LAMA4: variants seen among roughly 807,000 people sequenced by gnomAD.
LAMA4 encodes laminin subunit alpha-4.
Under a neutral mutation model 207.1 loss-of-function variants are expected in LAMA4, and 127 were observed. That is an observed-to-expected ratio of 0.61 (90% CI 0.53 to 0.71). LAMA4 has a LOEUF of 0.71. Ranked by LOEUF, LAMA4 falls within the 30% of genes least tolerant of loss-of-function variation. The pLI, the probability that LAMA4 is intolerant of heterozygous loss-of-function variation, is 0.00. For synonymous variants in LAMA4, 761 were observed against 816.0 expected, an observed-to-expected ratio of 0.93 and a Z score of 1.15; for missense variants, 2,093 against 2,246.5, an observed-to-expected ratio of 0.93 and a Z score of 1.38.
chr6:112,200,197 C>T, intron 5 of LAMA4: 1 of 529,748 alleles, frequency 1.9e-6, no homozygotes, highest in South Asian at 1.4e-5. Flanking sequence ...GAGCAAAGCC[C>T]AGAGCAGTTT....
chr6:112,242,361 C>T (rs1216867011), intron 2 of LAMA4, among the ~76,000 whole-genome samples: 1 of 152,154 alleles, frequency 6.6e-6, no homozygotes, highest in Non-Finnish European at 1.5e-5. Context: ...TGTGAACCCC[C>T]TTACTAGACT....
Position 112,150,585 on chromosome 6 carries a change from C to A in LAMA4, c.2099G>T (p.Gly700Val). The A allele has an allele frequency of 6.2e-7, 1 of 1,614,050 alleles. No individual in the cohort carries two copies. The highest frequency in any genetic ancestry group is 8.5e-7 in the Non-Finnish European group (1 of 1,179,954). ...AVADTSRRVG[G>V]ALARKSALKT... ...AAGGGCACTTTTCCTTGCTAGGGCT[C>A]CACCCACACGCCTGCTAGTGTCAGC... is the stretch of plus-strand genomic sequence containing the variant. The change falls in exon 17 of 39, where the codon GGA becomes GTA. Residue 700 changes from glycine (G) to valine (V), a missense_variant. Around this residue, in one of 3 missense-constraint regions of LAMA4, gnomAD observed 1,704 missense variants for 1,788.4 expected, o/e 0.95. Transcript: ENST00000230538.
chr6:112,140,196 G>A (rs1383454596), intron 22 of LAMA4, among the ~76,000 whole-genome samples: 1 of 152,138 alleles, frequency 6.6e-6, no homozygotes, highest in East Asian at 1.9e-4. Flanking sequence ...CTCATATAAT[G>A]AGAGGGAAAA....
Position 112,185,328 on chromosome 6 carries a change from T to C in LAMA4, c.986A>G (p.Glu329Gly), listed in dbSNP as rs773651952. The C allele has an allele frequency of 1.2e-6, 2 of 1,610,700 alleles. No individual in the cohort carries two copies. Among genetic ancestry groups the C allele is most frequent in the Non-Finnish European group, 1.7e-6 (2 of 1,176,834 alleles). ...TATCTTTCTTAGGGCGTATTGGTTT[T>C]CTCTTTCTGACAATTTTGTCTGCAG... Reference protein sequence around the residue: ...YLLKTKLSERENQYALRKIQI... With the variant: ...YLLKTKLSERGNQYALRKIQI... The change falls in exon 9 of 39, where the codon GAA (glutamate) becomes GGA (glycine). Residue 329 changes from glutamate (E) to glycine (G), a missense_variant. Glu to Gly is a moderately conservative substitution (Grantham distance 98). Transcript: ENST00000230538.
At chr6:112,196,797 T>A (rs1460856418) in intron 5 of LAMA4, among the ~76,000 whole-genome samples, 1 of 152,178 alleles carries the variant, frequency 6.6e-6, no homozygotes, top group East Asian at 1.9e-4. Context: ...TAAAGGAACA[T>A]GAAAAGTGCT....
chr6:112,191,890 G>A (rs1404966556), intron 5 of LAMA4, 40 bp from the exon 6 acceptor site: 1 of 1,440,536 alleles, frequency 6.9e-7, no homozygotes, highest in Non-Finnish European at 9.7e-7. Context: ...TTAGCATCAT[G>A]GTTTTTCTTC....
At chr6:112,140,036 T>A in intron 22 of LAMA4, 151 bp from the exon 23 acceptor site, 1 of 769,710 alleles carries the variant, frequency 1.3e-6, no homozygotes, top group Non-Finnish European at 2.2e-6. Flanking sequence ...GCCAAATCAT[T>A]TAGATATGGC....
intron 26 of LAMA4, 67 bp downstream of exon 26, chr6:112,134,400 C>A: frequency 2.0e-6 from 3 of 1,516,792 alleles, no homozygotes; most frequent in Non-Finnish European, 2.7e-6. Context: ...TGTTACTAGA[C>A]CTCTCCTGGA....
chr6:112,194,559 A>G (rs1310616605), intron 5 of LAMA4, among the ~76,000 whole-genome samples: 1 of 152,224 alleles, frequency 6.6e-6, no homozygotes, highest in African/African-American at 2.4e-5. Flanking sequence ...AAGTTTACTT[A>G]TGATAGTCCC....
At chr6:112,210,371 C>G (rs916700568) in intron 3 of LAMA4, among the ~76,000 whole-genome samples, 2 of 152,046 alleles carry the variant, frequency 1.3e-5, no homozygotes, top group Admixed American at 6.6e-5. Flanking sequence ...AAACTGACTC[C>G]ACTTAAAAAT....
rs571124931 is a variant in LAMA4, at chr6:112,148,310, A to G, written c.2200T>C (p.Ser734Pro). Residue 734 changes from serine (S) to proline (P), a missense_variant, in exon 18 of 39, where the codon TCT becomes CCT. By Grantham distance (74) the Ser-to-Pro change is moderately conservative (BLOSUM62 -1). Coordinates refer to ENST00000230538, the MANE Select transcript of LAMA4 (RefSeq NM_001105206.3). ...RGDAQQRLGQ[S>P]RLITEEANRT... is the part of the protein sequence containing the mutation. ...TTGGCTTCCTCGGTGATCAGTCTAG[A>G]CTGCCCCAGGCGCTGCTGGGCATCC... 3 of 1,614,212 alleles carry G rather than the reference A, an allele frequency of 1.9e-6. No individual in the cohort carries two copies. In the African/African-American group the frequency reaches 4.0e-5, roughly 22 times the overall value.
At chr6:112,158,400 T>C (rs1419989532) in intron 14 of LAMA4, 2 of 347,142 alleles carry the variant, frequency 5.8e-6, no homozygotes, top group Non-Finnish European at 1.1e-5. Context: ...ACATTGTCTT[T>C]GGTCATCCTA....
At chr6:112,226,642 C>T (rs1188613251) in intron 2 of LAMA4, among the ~76,000 whole-genome samples, 1 of 152,308 alleles carries the variant, frequency 6.6e-6, no homozygotes, top group Middle Eastern at 3.4e-3. Flanking sequence ...TTTTTGTGTC[C>T]TCATCACCTA....
In LAMA4 at chr6:112,118,883, C is replaced by T. The variant is rs1309562087; in HGVS notation, c.4821+273G>A. ...TGGGTACTTCCTGAACAAATAAGAT[C>T]TCCTTGAGACATAAATTTTCATGAT... On this transcript the variant is annotated intron_variant, in intron 34 of 38. Transcript: ENST00000230538. The surrounding 1 kb of genome is among the most constrained non-coding windows in gnomAD (Gnocchi z 4.6). Among the ~76,000 whole-genome samples the T allele has an allele frequency of 2.0e-5, 3 of 151,970 alleles. No individual in the cohort carries two copies. Among genetic ancestry groups the T allele is most frequent in the Non-Finnish European group, 4.4e-5 (3 of 68,006 alleles).
chr6:112,237,484 A>G (rs142875665), intron 2 of LAMA4, among the ~76,000 whole-genome samples: 1 of 152,290 alleles, frequency 6.6e-6, no homozygotes, highest in African/African-American at 2.4e-5. Flanking sequence ...GTAAAATTTC[A>G]TGTGAAATTC....
At chr6:112,229,904 T>C (rs1408033938) in intron 2 of LAMA4, among the ~76,000 whole-genome samples, 1 of 152,242 alleles carries the variant, frequency 6.6e-6, no homozygotes, top group Non-Finnish European at 1.5e-5. Context: ...TTTTGATAGG[T>C]TTCTCAATAC....
Position 112,122,013 on chromosome 6 carries a change from C to T in LAMA4, c.4475+1G>A. On this transcript the variant is annotated splice_donor_variant, in intron 32 of 38. Transcript: ENST00000230538. LOFTEE classifies it high-confidence loss of function. Reference sequence around the variant, plus strand: ...TCTAGGAGTATAGTGTGTTACTTTACTTGGCACCAAAATCTCCTTTTAAGT... The same window carrying T: ...TCTAGGAGTATAGTGTGTTACTTTATTTGGCACCAAAATCTCCTTTTAAGT... 1 of 1,613,668 alleles carries T rather than the reference C, an allele frequency of 6.2e-7. No individual in the cohort carries two copies. Among genetic ancestry groups the T allele is most frequent in the Non-Finnish European group, 8.5e-7 (1 of 1,179,672 alleles).
rs200722112 is a variant in LAMA4 at position 112,187,515 on chromosome 6, C to A, written c.901G>T (p.Val301Leu). Residue 301 changes from valine to leucine, a missense_variant, in exon 8 of 39, where the codon GTA becomes TTA. Val to Leu is a conservative substitution (Grantham distance 32). Coordinates refer to ENST00000230538, the MANE Select transcript of LAMA4 (RefSeq NM_001105206.3). ...IEEGKSGVLS[V>L]SSGAAAHRHV... ...CTATGAGCGGCGGCCCCAGAGGATA[C>A]GCTCAGCACCCCGGATTTGCCTTCC... The A allele has an allele frequency of 1.2e-6, 2 of 1,614,104 alleles. No homozygotes were observed. Among genetic ancestry groups the A allele is most frequent in the South Asian group, 1.1e-5 (1 of 91,080 alleles).
At chr6:112,119,383 T>G (rs1360599315) in intron 33 of LAMA4, 72 bp from the exon 34 acceptor site, 6 of 1,524,620 alleles carry the variant, frequency 3.9e-6, no homozygotes, top group Non-Finnish European at 5.4e-6. Flanking sequence ...TGTTTCCTCT[T>G]CTTCCAACTT....
Sources: gnomAD v4.1 joint callset for allele counts (sites outside exome capture counted in the v4.1 genomes callset) on GRCh38, gnomAD v4.1.1 for gene constraint, gnomAD v4.1.1 regional missense constraint, Gnocchi (gnomAD v3.1) non-coding constraint, MANE v1.5 for transcripts, NCBI Gene and HGNC (gene_info 2026-07-23, HGNC 2026-07-21) for gene names.